Variants in C2orf80 observed in about 807,000 individuals in gnomAD.
C2orf80 encodes chromosome 2 open reading frame 80.
C2orf80 carries 28 observed loss-of-function variants against 30.2 expected under a neutral mutation model. That is an observed-to-expected ratio of 0.93 (90% CI 0.69 to 1.27). C2orf80 has a LOEUF of 1.27. Among genes scored for constraint, C2orf80 ranks in the 50% most tolerant of loss-of-function variants. The pLI is 0.00. For synonymous variants in C2orf80, 80 were observed against 76.4 expected, an observed-to-expected ratio of 1.05 and a Z score of -0.24; for missense variants, 220 against 231.0, an observed-to-expected ratio of 0.95 and a Z score of 0.31.
chr2:208,171,280 G>T (rs563471411), intron 7 of C2orf80, among the ~76,000 whole-genome samples: 1 of 152,064 alleles, frequency 6.6e-6, no homozygotes, highest in South Asian at 2.1e-4. Flanking sequence ...TGAGTAGGTG[G>T]GACTAGAGGA....
At chr2:208,181,158 T>C (rs1371210921) in intron 5 of C2orf80, 60 bp downstream of exon 5, 4 of 1,146,074 alleles carry the variant, frequency 3.5e-6, no homozygotes, top group Admixed American at 1.8e-5. Flanking sequence ...TTCATTACTG[T>C]AAAAATGCTC....
chr2:208,178,638 G>T (rs1696444179), intron 6 of C2orf80, among the ~76,000 whole-genome samples: 1 of 152,134 alleles, frequency 6.6e-6, no homozygotes, highest in South Asian at 2.1e-4. Context: ...TCTTGGCTGG[G>T]TGTGGTGATG....
At chr2:208,185,131 A>C in intron 2 of C2orf80, 99 bp from the exon 3 acceptor site, 1 of 740,384 alleles carries the variant, frequency 1.4e-6, no homozygotes. Context: ...CCCCACCAAA[A>C]TACAAGAGAA....
At chr2:208,173,620 A>G (rs1015851066) in intron 6 of C2orf80, among the ~76,000 whole-genome samples, 14 of 49,734 alleles carry the variant, frequency 2.8e-4, no homozygotes, top group East Asian at 1.4e-3. Flanking sequence ...GCGAGACTCC[A>G]TCTCAAAAAA....
At chr2:208,180,328 G>A (rs1696512956) in intron 6 of C2orf80, among the ~76,000 whole-genome samples, 1 of 151,920 alleles carries the variant, frequency 6.6e-6, no homozygotes, top group African/African-American at 2.4e-5. Context: ...GTGCATGCCT[G>A]TAGTCCCAGC....
intron 6 of C2orf80, among the ~76,000 whole-genome samples, chr2:208,174,092 G>A (rs1469027883): frequency 2.0e-5 from 3 of 152,018 alleles, no homozygotes; most frequent in South Asian, 2.1e-4. Flanking sequence ...AGCAGGGACT[G>A]TAGACACACA....
intron 3 of C2orf80, among the ~76,000 whole-genome samples, chr2:208,184,259 G>A (rs1027033334): frequency 2.0e-5 from 3 of 151,808 alleles, no homozygotes; most frequent in Non-Finnish European, 4.4e-5. Flanking sequence ...GAGAAGCACT[G>A]CTCTAATCTA....
chr2:208,186,696 T>A (rs1386124033), intron 2 of C2orf80, among the ~76,000 whole-genome samples: 1 of 152,174 alleles, frequency 6.6e-6, no homozygotes, highest in Admixed American at 6.5e-5. Flanking sequence ...GGCTCTAGAA[T>A]GTGGATGCCT....
Position 208,170,975 on chromosome 2 carries a change from T to C in C2orf80, c.543A>G (p.Gln181=), listed in dbSNP as rs1477551424. 1.2e-6 allele frequency: 2 copies of C among 1,614,090 alleles called. 1 individual carries two copies. The highest frequency in any genetic ancestry group is 2.2e-5 in the South Asian group (2 of 91,080). The stretch of plus-strand genomic sequence containing the variant: ...GCTTTGGCTGTGTGTCTGAAAACCT[T>C]TGTGATGATTTCCATTCTGTGGCAT... ...EANATEWKSS[Q]RFSDTQPKHK... The change falls in exon 8 of 9, where the codon CAA becomes CAG. Residue 181 remains glutamine, a synonymous_variant. Coordinates refer to ENST00000341287, the MANE Select transcript of C2orf80 (RefSeq NM_001099334.3).
chr2:208,187,381 T>C (rs1268349499), intron 1 of C2orf80, among the ~76,000 whole-genome samples: 1 of 152,212 alleles, frequency 6.6e-6, no homozygotes. Context: ...ACTAGATGGA[T>C]GTGATCCATC....
At chr2:208,167,254 T>G (rs1289057259) in intron 8 of C2orf80, among the ~76,000 whole-genome samples, 3 of 151,914 alleles carry the variant, frequency 2.0e-5, no homozygotes, top group Admixed American at 2.0e-4. Flanking sequence ...CCGGGCGCGG[T>G]GGCTCATGCC....
At chr2:208,169,313 T>C (rs1404616714) in intron 8 of C2orf80, among the ~76,000 whole-genome samples, 2 of 134,706 alleles carry the variant, frequency 1.5e-5, no homozygotes, top group Non-Finnish European at 3.3e-5. Flanking sequence ...GAGTTGTTAC[T>C]GTTTTTTCAT....
intron 8 of C2orf80, chr2:208,168,387 A>C: frequency 3.1e-6 from 1 of 322,558 alleles, no homozygotes; most frequent in South Asian, 2.5e-5. Context: ...ATTACCCAAG[A>C]GTTGGGCCGG....
intron 2 of C2orf80, among the ~76,000 whole-genome samples, chr2:208,185,548 G>C (rs1023584138): frequency 1.3e-5 from 2 of 152,140 alleles, no homozygotes; most frequent in Non-Finnish European, 2.9e-5. Context: ...TATCCTTAGT[G>C]GATCCTTTCC....
chr2:208,184,622 T>C (rs559346164), intron 3 of C2orf80, among the ~76,000 whole-genome samples: 230 of 152,312 alleles, frequency 1.5e-3, no homozygotes, highest in African/African-American at 4.6e-3. Context: ...GGTAAAGAAA[T>C]TATTTTGAGA....
chr2:208,174,065 A>C (rs1275850026), intron 6 of C2orf80, among the ~76,000 whole-genome samples: 1 of 151,984 alleles, frequency 6.6e-6, no homozygotes, highest in East Asian at 1.9e-4. Context: ...TGATCCTCCC[A>C]TCTCGACCTC....
At chr2:208,175,986 G>A (rs538162889) in intron 6 of C2orf80, among the ~76,000 whole-genome samples, 2 of 152,224 alleles carry the variant, frequency 1.3e-5, no homozygotes, top group East Asian at 3.9e-4. Flanking sequence ...AGATCCTCAG[G>A]CTCTTAGACT....
chr2:208,168,707 A>T lies in C2orf80; in HGVS notation c.573+2238T>A, dbSNP rs544922519. On this transcript the variant is annotated intron_variant, in intron 8 of 8. Transcript: ENST00000341287. ...TTGGAAAAAATGCCTAAAGTGCACAAATAATAAAGTGTGAAAGAAAAAACA... is the reference window on the plus strand; with the variant it reads ...TTGGAAAAAATGCCTAAAGTGCACATATAATAAAGTGTGAAAGAAAAAACA... Among the ~76,000 whole-genome samples the T allele has an allele frequency of 4.3e-5, 6 of 140,906 alleles. No homozygotes were observed. In the East Asian group the frequency reaches 1.2e-3, roughly 29 times the overall value. The allele number at this position is 140,906 out of a possible 152,430, so 92.4% of individuals were successfully genotyped here. A position where few individuals can be genotyped will look rare whatever the true frequency, so the allele number is the denominator to read the frequency against.
chr2:208,176,975 A>G (rs1454580597), intron 6 of C2orf80, among the ~76,000 whole-genome samples: 113 of 10,662 alleles, frequency 0.011, 1 homozygote, highest in Admixed American at 0.017. Context: ...GTATACATAT[A>G]TACAGAAATG....
Sources: allele counts gnomAD v4.1 joint callset (sites outside exome capture counted in the v4.1 genomes callset), GRCh38; gene constraint gnomAD v4.1.1; transcripts MANE v1.5; gene names NCBI Gene and HGNC (gene_info 2026-07-23, HGNC 2026-07-21).